The following SMC1B variants were observed in gnomAD, a reference collection of about 807,000 sequenced individuals.
SMC1B encodes structural maintenance of chromosomes protein 1B.
SMC1B carries 60 observed loss-of-function variants against 157.9 expected under a neutral mutation model. The ratio of observed to expected loss-of-function variants is 0.38; its 90% CI spans 0.31 to 0.47. SMC1B has a LOEUF of 0.47. Among genes scored for constraint, SMC1B ranks in the 20% least tolerant of loss-of-function variants. The probability of loss-of-function intolerance (pLI) is 0.99; values close to 1 mark genes in which losing one functional copy is unlikely to be tolerated. For missense variants in SMC1B, 1,165 were observed against 1,426.2 expected (o/e 0.82, Z 2.95); for synonymous variants, 445 against 483.0 (o/e 0.92, Z 1.03).
intron 15 of SMC1B, among the ~76,000 whole-genome samples, chr22:45,369,573 C>T (rs1483463605): frequency 7.5e-6 from 1 of 134,178 alleles, no homozygotes; most frequent in East Asian, 2.2e-4. Flanking sequence ...GATGGAGTCT[C>T]GCTCCATCGT....
intron 15 of SMC1B, among the ~76,000 whole-genome samples, chr22:45,364,970 TG>T (rs2086760666): frequency 1.3e-5 from 2 of 152,042 alleles, no homozygotes; most frequent in South Asian, 4.2e-4. Flanking sequence ...CCCAAGTAGC[TG>T]GGACTACAGG....
intron 12 of SMC1B, among the ~76,000 whole-genome samples, chr22:45,372,835 CCTGA>C (rs1300206563): frequency 6.6e-6 from 1 of 151,874 alleles, no homozygotes; most frequent in Non-Finnish European, 1.5e-5. Flanking sequence ...GCCTCAGCCT[CCTGA>C]GTAGCTGGGA....
chr22:45,408,955 A>G (rs1339063654), intron 1 of SMC1B, 57 bp from the exon 2 acceptor site: 2 of 1,095,924 alleles, frequency 1.8e-6, no homozygotes, highest in Admixed American at 2.7e-5. Context: ...AGCCCTACCC[A>G]GAGCTGAAGA....
Position 45,396,330 on chromosome 22 carries a change from G to C in SMC1B, c.1254+16C>G. ...TTAAGAATGATTCTAAATCATTACTGTACAACCCAAGACACCTGAACTTCT... is the reference window on the plus strand; with the variant it reads ...TTAAGAATGATTCTAAATCATTACTCTACAACCCAAGACACCTGAACTTCT... On this transcript the variant is annotated intron_variant, in intron 7 of 24. Transcript: ENST00000357450. The C allele has an allele frequency of 6.3e-7, 1 of 1,598,220 alleles. No individual in the cohort carries two copies.
intron 12 of SMC1B, among the ~76,000 whole-genome samples, chr22:45,382,517 A>C (rs541532267): frequency 9.2e-5 from 14 of 152,310 alleles, no homozygotes; most frequent in African/African-American, 2.4e-4. Context: ...GGGTGAAGAA[A>C]ATGTTCTATG....
intron 8 of SMC1B, 22 bp from the exon 9 acceptor site, chr22:45,393,863 T>C (rs136604): frequency 1.9e-6 from 3 of 1,568,826 alleles, no homozygotes; most frequent in South Asian, 1.1e-5. Context: ...CAACAAATTA[T>C]ACAGCAAAAT....
intron 23 of SMC1B, among the ~76,000 whole-genome samples, chr22:45,348,441 G>A (rs554782283): frequency 1.3e-5 from 2 of 152,100 alleles, no homozygotes; most frequent in African/African-American, 2.4e-5. Context: ...TAAATAAATA[G>A]ATATAAAAAC....
rs779988590 is a variant in SMC1B at position 45,372,130 on chromosome 22, C to G, written c.2196+25G>C. 1.9e-6 allele frequency: 3 copies of G among 1,560,882 alleles called. No individual in the cohort carries two copies. The East Asian group carries it at 6.9e-5, about 36-fold the overall frequency. ...TCTATGTTCTGGGTCAAATGCCTAT[C>G]ATATTTTATGTAAGTCTATATTACC... is the stretch of plus-strand genomic sequence containing the variant. On this transcript the variant is annotated intron_variant, in intron 13 of 24. Transcript: ENST00000357450.
At chr22:45,345,060 T>C (rs2086536902) in intron 24 of SMC1B, among the ~76,000 whole-genome samples, 1 of 152,216 alleles carries the variant, frequency 6.6e-6, no homozygotes, top group Non-Finnish European at 1.5e-5. Flanking sequence ...GAACTTCTAA[T>C]GTATTTCTTT....
chr22:45,351,118 G>T lies in SMC1B; in HGVS notation c.3426-1321C>A, dbSNP rs957546713. ...CTTTAATATTGCTAACCACTTCCCT[G>T]CCACTCACCATCTCCATTCCCTGCT... is the stretch of plus-strand genomic sequence containing the variant. On this transcript the variant is annotated intron_variant, in intron 22 of 24. Coordinates refer to ENST00000357450, the MANE Select transcript of SMC1B (RefSeq NM_148674.5). Among the ~76,000 whole-genome samples the T allele has an allele frequency of 3.7e-4, 57 of 152,060 alleles. 1 individual carries two copies. The highest frequency in any genetic ancestry group is 1.4e-3 in the African/African-American group (56 of 41,396).
chr22:45,405,256 G>A (rs1013183416), intron 4 of SMC1B, among the ~76,000 whole-genome samples: 22 of 152,108 alleles, frequency 1.4e-4, no homozygotes, highest in African/African-American at 3.1e-4. Flanking sequence ...AGGCTAGTAC[G>A]CCTTATAAGA....
chr22:45,404,261 T>A (rs2087231257), intron 4 of SMC1B, among the ~76,000 whole-genome samples: 1 of 151,970 alleles, frequency 6.6e-6, no homozygotes, highest in African/African-American at 2.4e-5. Context: ...TTATTCACCC[T>A]ATATCATATA....
rs76256683 is a variant in SMC1B, at chr22:45,409,010, C to T, written c.110-112G>A. ...GTGAAATATAGCCAAAAGACATGTCCTTTTTAATCAATGTTCAAAATGCAT... is the reference window on the plus strand; with the variant it reads ...GTGAAATATAGCCAAAAGACATGTCTTTTTTAATCAATGTTCAAAATGCAT... On this transcript the variant is annotated intron_variant, in intron 1 of 24. Transcript: ENST00000357450. 3.2e-3 allele frequency: 1,908 copies of T among 604,954 alleles called. 36 individuals are homozygous for T. In the African/African-American group the frequency reaches 0.032, roughly 10 times the overall value. The allele number at this position is 604,954 out of a possible 1,614,324, so 37.5% of individuals were successfully genotyped here. A position where few individuals can be genotyped will look rare whatever the true frequency, so the allele number is the denominator to read the frequency against.
At chr22:45,400,304 CAGT>C (rs1363318569) in intron 5 of SMC1B, among the ~76,000 whole-genome samples, 1 of 151,746 alleles carries the variant, frequency 6.6e-6, no homozygotes, top group Non-Finnish European at 1.5e-5. Context: ...TACAAGATGA[CAGT>C]AGAAGATACT....
At chr22:45,371,876 G>T (rs1031359240) in intron 13 of SMC1B, among the ~76,000 whole-genome samples, 4 of 152,020 alleles carry the variant, frequency 2.6e-5, no homozygotes, top group Non-Finnish European at 5.9e-5. Context: ...GGCCAACATG[G>T]TGAAACCGCA....
chr22:45,364,897 G>C (rs1166687650), intron 15 of SMC1B, among the ~76,000 whole-genome samples: 1 of 142,984 alleles, frequency 7.0e-6, no homozygotes, highest in Non-Finnish European at 1.5e-5. Context: ...GAGAGCAGTG[G>C]CACGATCTCG....
intron 23 of SMC1B, among the ~76,000 whole-genome samples, chr22:45,349,096 A>C (rs2086582723): frequency 2.1e-5 from 3 of 143,574 alleles, no homozygotes; most frequent in East Asian, 2.1e-4. Flanking sequence ...CTCACTGCAA[A>C]CTCCACCTCC....
In SMC1B at chr22:45,386,850, C is replaced by G. The variant is rs746638285; in HGVS notation, c.1911+17G>C. 1.2e-6 allele frequency: 2 copies of G among 1,608,438 alleles called. No individual in the cohort carries two copies. The highest frequency in any genetic ancestry group is 2.2e-5 in the East Asian group (1 of 44,786). On this transcript the variant is annotated intron_variant, in intron 11 of 24. Transcript: ENST00000357450. ...CTTCAACTTATCCAAAGGTGTGATCCAAGCCTCTTTTCTTACTTTCTGTCT... is the reference window on the plus strand; with the variant it reads ...CTTCAACTTATCCAAAGGTGTGATCGAAGCCTCTTTTCTTACTTTCTGTCT...
intron 11 of SMC1B, among the ~76,000 whole-genome samples, chr22:45,384,486 T>C (rs549113002): frequency 1.1e-4 from 16 of 152,170 alleles, no homozygotes; most frequent in African/African-American, 3.6e-4. Flanking sequence ...CCCTGGCACT[T>C]TGGGAGGCAG....
Sources: allele counts gnomAD v4.1 joint callset (sites outside exome capture counted in the v4.1 genomes callset), GRCh38; gene constraint gnomAD v4.1.1; transcripts MANE v1.5; gene names NCBI Gene and HGNC (gene_info 2026-07-23, HGNC 2026-07-21).